Variants in PRKG1 observed in about 807,000 individuals in gnomAD.
The protein encoded by PRKG1 is cGMP-dependent protein kinase 1.
In PRKG1, 35 loss-of-function variants were observed where a neutral mutation model predicts 88.1. The ratio of observed to expected loss-of-function variants is 0.40; its 90% CI spans 0.30 to 0.53. The LOEUF is 0.53. PRKG1 is among the 20% of genes least tolerant of loss of function. The pLI is 0.59. For missense variants in PRKG1, 540 were observed against 839.8 expected, an observed-to-expected ratio of 0.64 and a Z score of 4.41; for synonymous variants, 303 against 292.5, an observed-to-expected ratio of 1.04 and a Z score of -0.37.
At chr10:51,468,115 T>G (rs1300140735) in intron 3 of PRKG1, among the ~76,000 whole-genome samples, 1 of 151,906 alleles carries the variant, frequency 6.6e-6, no homozygotes, top group Non-Finnish European at 1.5e-5. Flanking sequence ...TTTATACATT[T>G]GAATCAAATA....
chr10:51,551,712 A>C (rs879788604), intron 3 of PRKG1, among the ~76,000 whole-genome samples: 2 of 151,822 alleles, frequency 1.3e-5, no homozygotes, highest in Non-Finnish European at 3.0e-5. Context: ...AGACTCCTCT[A>C]TCATTGAAAA....
intron 5 of PRKG1, among the ~76,000 whole-genome samples, chr10:51,984,427 A>G (rs1442670002): frequency 2.0e-5 from 3 of 152,176 alleles, no homozygotes; most frequent in Non-Finnish European, 2.9e-5. Flanking sequence ...GGAGATTCAC[A>G]TCGTTTTAAA....
chr10:51,793,211 T>C (rs1484406122), intron 3 of PRKG1, among the ~76,000 whole-genome samples: 1 of 123,690 alleles, frequency 8.1e-6, no homozygotes, highest in African/African-American at 3.1e-5. Context: ...ATGAGAAATA[T>C]AATGGAGAGA....
intron 3 of PRKG1, among the ~76,000 whole-genome samples, chr10:51,788,082 T>C (rs2132576869): frequency 6.6e-6 from 1 of 152,280 alleles, no homozygotes; most frequent in East Asian, 1.9e-4. Flanking sequence ...GAATGCTCAA[T>C]GCATGAAAAA....
rs186444920 is a variant in PRKG1 at position 51,270,182 on chromosome 10, C to T, written c.478+116852C>T. Reference sequence around the variant, plus strand: ...ATTAATTATTAATATATCATTACATCTAGATTTGTAAAATGTATTCATGCC... The same window carrying T: ...ATTAATTATTAATATATCATTACATTTAGATTTGTAAAATGTATTCATGCC... On this transcript the variant is annotated intron_variant, in intron 2 of 17. Transcript: ENST00000373980. Among the ~76,000 whole-genome samples, 10 of 152,218 alleles carry T rather than the reference C, an allele frequency of 6.6e-5. No homozygotes were observed. In the East Asian group the frequency reaches 9.7e-4, roughly 15 times the overall value.
At chr10:51,077,704 A>G (rs765463742) in intron 1 of PRKG1, among the ~76,000 whole-genome samples, 42 of 152,136 alleles carry the variant, frequency 2.8e-4, no homozygotes, top group Non-Finnish European at 4.9e-4. Flanking sequence ...TGCTATAACT[A>G]TGAGGTAGGA....
chr10:51,254,473 C>G (rs1267525353), intron 2 of PRKG1, among the ~76,000 whole-genome samples: 1 of 151,854 alleles, frequency 6.6e-6, no homozygotes, highest in Admixed American at 6.6e-5. Context: ...AACCTTTTCA[C>G]CAGGCAATTC....
At chr10:51,712,808 C>T (rs942235226) in intron 3 of PRKG1, among the ~76,000 whole-genome samples, 2 of 151,892 alleles carry the variant, frequency 1.3e-5, no homozygotes, top group South Asian at 2.1e-4. Flanking sequence ...CCAGGATGGT[C>T]TCGATCTCCT....
chr10:51,578,980 GTTTTT>G (rs752412264), intron 3 of PRKG1, among the ~76,000 whole-genome samples: 6 of 77,832 alleles, frequency 7.7e-5, no homozygotes, highest in South Asian at 5.1e-4. Flanking sequence ...AGTTCTGTTG[GTTTTT>G]TTTTTTTTTT....
chr10:51,697,521 C>G (rs1841328650), intron 3 of PRKG1: 1 of 638,510 alleles, frequency 1.6e-6, no homozygotes, highest in East Asian at 2.8e-5. Flanking sequence ...CTCCCCCCAC[C>G]CTCAATTAAA....
intron 4 of PRKG1, among the ~76,000 whole-genome samples, chr10:51,868,710 C>G (rs1841081042): frequency 6.6e-6 from 1 of 152,086 alleles, no homozygotes; most frequent in South Asian, 2.1e-4. Flanking sequence ...ATCTATTTCC[C>G]TTGATGTGTC....
chr10:51,285,051 C>G (rs1840405662), intron 2 of PRKG1, among the ~76,000 whole-genome samples: 1 of 97,990 alleles, frequency 1.0e-5, no homozygotes, highest in Admixed American at 1.1e-4. Flanking sequence ...CCGCCCTCCC[C>G]CCACCCCACC....
chr10:51,875,298 T>A (rs1841266563), intron 4 of PRKG1, among the ~76,000 whole-genome samples: 1 of 135,950 alleles, frequency 7.4e-6, no homozygotes, highest in Admixed American at 7.3e-5. Context: ...GAGAAATGCT[T>A]TAAGCTTTAA....
At chr10:51,904,484 G>A (rs1055831413) in intron 4 of PRKG1, among the ~76,000 whole-genome samples, 3 of 152,046 alleles carry the variant, frequency 2.0e-5, no homozygotes, top group African/African-American at 7.2e-5. Context: ...TAGTGTGTAT[G>A]CTACTAGTAG....
chr10:52,031,061 T>C (rs1045252271), intron 5 of PRKG1, among the ~76,000 whole-genome samples: 4 of 147,560 alleles, frequency 2.7e-5, no homozygotes, highest in African/African-American at 9.9e-5. Context: ...TCTCAAACTT[T>C]AAAAAAAAAA....
chr10:51,024,440 C>G (rs564721379), intron 1 of PRKG1, among the ~76,000 whole-genome samples: 1 of 152,202 alleles, frequency 6.6e-6, no homozygotes, highest in South Asian at 2.1e-4. Flanking sequence ...GTACTAAGTT[C>G]TACGTACTTG....
At chr10:51,296,319 T>C (rs1840719474) in intron 2 of PRKG1, among the ~76,000 whole-genome samples, 1 of 152,100 alleles carries the variant, frequency 6.6e-6, no homozygotes, top group Non-Finnish European at 1.5e-5. Context: ...GCTTTTCTTT[T>C]TTGAGACACT....
intron 3 of PRKG1, among the ~76,000 whole-genome samples, chr10:51,501,826 C>A (rs1360474073): frequency 1.0e-5 from 1 of 98,984 alleles, no homozygotes; most frequent in Non-Finnish European, 1.9e-5. Flanking sequence ...TTTGGCTCTT[C>A]TCAAGCATCT....
chr10:52,113,151 A>C (rs950611197), intron 7 of PRKG1, among the ~76,000 whole-genome samples: 5 of 152,228 alleles, frequency 3.3e-5, no homozygotes, highest in African/African-American at 1.2e-4. Context: ...AAATTGGCAC[A>C]TGGTGATCAC....
Sources: allele counts gnomAD v4.1 joint callset (sites outside exome capture counted in the v4.1 genomes callset), GRCh38; gene constraint gnomAD v4.1.1; transcripts MANE v1.5; gene names NCBI Gene and HGNC (gene_info 2026-07-23, HGNC 2026-07-21).